Variants in ARL6IP6 observed in about 807,000 individuals in gnomAD.
ARL6IP6 encodes the protein ARF like GTPase 6 interacting protein 6, also known as ADP-ribosylation factor-like protein 6-interacting protein 6.
In ARL6IP6, 22 loss-of-function variants were observed where a neutral mutation model predicts 21.5. That is an observed-to-expected ratio of 1.02 (90% CI 0.73 to 1.46). The LOEUF (loss-of-function observed/expected upper bound fraction) is 1.46, where lower values mean the gene tolerates loss of function less well. ARL6IP6 is among the 40% of genes most tolerant of loss of function. The probability of loss-of-function intolerance (pLI) is 0.00; values close to 1 mark genes in which losing one functional copy is unlikely to be tolerated. For missense variants in ARL6IP6, 388 were observed against 299.8 expected, an observed-to-expected ratio of 1.29 and a Z score of -2.17; for synonymous variants, 164 against 125.3, an observed-to-expected ratio of 1.31 and a Z score of -2.06.
rs1200825846 is a variant in ARL6IP6 at position 152,761,045 on chromosome 2, G to C, written c.*1205G>C. The C allele has an allele frequency of 6.6e-6, 1 of 151,918 alleles. No individual in the cohort carries two copies. The highest frequency in any genetic ancestry group is 1.5e-5 in the Non-Finnish European group (1 of 68,010). The allele number at this position is 151,918 out of a possible 1,614,324, so 9.4% of individuals were successfully genotyped here. On this transcript the variant is annotated 3_prime_UTR_variant, in exon 4 of 4. Transcript: ENST00000326446. The stretch of plus-strand genomic sequence containing the variant: ...ACAAAGCTGTTTTCCCTGGCCATAG[G>C]AAAACTTACAATAAGAAACCATTAA...
chr2:152,731,956 C>T (rs1165259720), intron 2 of ARL6IP6, among the ~76,000 whole-genome samples: 5 of 151,886 alleles, frequency 3.3e-5, no homozygotes, highest in African/African-American at 2.4e-5. Context: ...CATATCAGTA[C>T]CTAAAGAGCT....
At chr2:152,742,963 T>C (rs16831730) in intron 3 of ARL6IP6, among the ~76,000 whole-genome samples, 6,335 of 152,306 alleles carry the variant, frequency 0.042, 279 homozygotes, top group African/African-American at 0.11. Context: ...CTAGCTAACT[T>C]ACCTCCTCTG....
rs1701816370 is a variant in ARL6IP6 at position 152,760,930 on chromosome 2, C to A, written c.*1090C>A. On this transcript the variant is annotated 3_prime_UTR_variant, in exon 4 of 4. Transcript: ENST00000326446. Reference sequence around the variant, plus strand: ...TCCTGTAATTGTGATATTTTGTTTTCTAAGTAATTAAGCCTTAATTTTTCC... The same window carrying A: ...TCCTGTAATTGTGATATTTTGTTTTATAAGTAATTAAGCCTTAATTTTTCC... 1 of 151,728 alleles carries A rather than the reference C, an allele frequency of 6.6e-6. No homozygotes were observed. Among genetic ancestry groups the A allele is most frequent in the Non-Finnish European group, 1.5e-5 (1 of 67,952 alleles). The allele number at this position is 151,728 out of a possible 1,614,324, so 9.4% of individuals were successfully genotyped here.
intron 3 of ARL6IP6, among the ~76,000 whole-genome samples, chr2:152,748,250 TTGTC>T (rs1701150556): frequency 6.6e-6 from 1 of 152,234 alleles, no homozygotes; most frequent in Non-Finnish European, 1.5e-5. Flanking sequence ...GAAATCAACT[TTGTC>T]TGCTCTTCAG....
intron 3 of ARL6IP6, among the ~76,000 whole-genome samples, chr2:152,756,703 A>G (rs770644696): frequency 3.3e-5 from 5 of 152,226 alleles, no homozygotes; most frequent in Non-Finnish European, 7.4e-5. Flanking sequence ...CATCAGAAAA[A>G]TAAATATTAA....
upstream of ARL6IP6, chr2:152,717,671 C>A (rs944102235): frequency 1.3e-5 from 19 of 1,415,426 alleles, no homozygotes; most frequent in South Asian, 1.4e-4. Flanking sequence ...GTTTCTGCGC[C>A]GAGTCCTCCG....
chr2:152,732,155 A>G (rs1410372206), intron 2 of ARL6IP6, among the ~76,000 whole-genome samples: 1 of 151,858 alleles, frequency 6.6e-6, no homozygotes, highest in East Asian at 1.9e-4. Context: ...GTATATATAT[A>G]TAAAATTGTA....
chr2:152,718,331 C>T (rs1467956873), upstream of ARL6IP6: 6 of 333,352 alleles, frequency 1.8e-5, no homozygotes, highest in East Asian at 5.2e-5. Flanking sequence ...GACGAAGCCC[C>T]GCAGGGAGTG....
chr2:152,737,754 C>G (rs755797053), intron 3 of ARL6IP6, among the ~76,000 whole-genome samples: 1 of 152,156 alleles, frequency 6.6e-6, no homozygotes, highest in Non-Finnish European at 1.5e-5. Context: ...ACCTCCCACA[C>G]GGTCCCTCCC....
upstream of ARL6IP6, chr2:152,717,888 G>C: frequency 9.7e-7 from 1 of 1,030,520 alleles, no homozygotes. Flanking sequence ...TAGTGTTAGC[G>C]GTGGCTGGGA....
At chr2:152,739,174 A>G (rs996226527) in intron 3 of ARL6IP6, among the ~76,000 whole-genome samples, 4 of 151,872 alleles carry the variant, frequency 2.6e-5, no homozygotes, top group African/African-American at 9.7e-5. Context: ...TTTAGTAGAG[A>G]CGGGGTTTCA....
chr2:152,732,559 C>A, intron 2 of ARL6IP6: 1 of 454,584 alleles, frequency 2.2e-6, no homozygotes. Context: ...GGAAATTTTC[C>A]CTTATGCTGT....
At chr2:152,730,127 T>C (rs1177476055) in intron 2 of ARL6IP6, among the ~76,000 whole-genome samples, 1 of 152,210 alleles carries the variant, frequency 6.6e-6, no homozygotes, top group African/African-American at 2.4e-5. Context: ...TCTGATTAGT[T>C]TAAAATGAAC....
chr2:152,754,912 G>A (rs925018540), intron 3 of ARL6IP6, among the ~76,000 whole-genome samples: 18 of 152,142 alleles, frequency 1.2e-4, no homozygotes, highest in African/African-American at 3.6e-4. Context: ...GCAAGAGACC[G>A]AGGGCATGAG....
chr2:152,749,333 A>ACACACACACG (rs1553533316), intron 3 of ARL6IP6, among the ~76,000 whole-genome samples: 4 of 151,372 alleles, frequency 2.6e-5, no homozygotes, highest in East Asian at 1.9e-4. Context: ...ACACACACAC[A>ACACACACACG]CACGCACGCA....
chr2:152,729,330 TTGTCTGTG>T (rs967882691), intron 2 of ARL6IP6, among the ~76,000 whole-genome samples: 16 of 57,522 alleles, frequency 2.8e-4, no homozygotes, highest in Admixed American at 9.6e-4. Flanking sequence ...GAGCCAGACT[TTGTCTGTG>T]TGTGTGTGTG....
chr2:152,726,968 A>G (rs1183397372), intron 2 of ARL6IP6, among the ~76,000 whole-genome samples: 1 of 152,244 alleles, frequency 6.6e-6, no homozygotes, highest in Admixed American at 6.5e-5. Flanking sequence ...ATAAACAATT[A>G]TGTTACTGGT....
At position 152,735,017 on chromosome 2, in the gene ARL6IP6, T is replaced by C. The variant is rs1700489254; in HGVS notation, c.478T>C (p.Ser160Pro). The stretch of plus-strand genomic sequence containing the variant: ...AGGATTCTGGACTCTACTTATAATA[T>C]CCCTAACTGCTGGATTCTCCTGTTG... ...LLGFWTLLII[S>P]LTAGFSCCSF... The change falls in exon 3 of 4, where the codon TCC becomes CCC. Residue 160 changes from serine (S) to proline (P), a missense_variant. Coordinates refer to ENST00000326446, the MANE Select transcript of ARL6IP6 (RefSeq NM_152522.7). 3 of 1,613,292 alleles carry C rather than the reference T, an allele frequency of 1.9e-6. No homozygotes were observed. Among genetic ancestry groups the C allele is most frequent in the South Asian group, 1.1e-5 (1 of 91,052 alleles).
chr2:152,735,083 C>G lies in ARL6IP6; in HGVS notation c.544C>G (p.Pro182Ala), dbSNP rs1216629590. ...AGTGACTTACTTTGATTCTTTTGAA[C>G]CAGGAATGTTTCCTCCTACTCCTCT... is the stretch of plus-strand genomic sequence containing the variant. ...WTVTYFDSFE[P>A]GMFPPTPLSP... Residue 182 changes from proline (P) to alanine (A), a missense_variant, in exon 3 of 4, where the codon CCA becomes GCA. By Grantham distance (27) the Pro-to-Ala change is conservative. Transcript: ENST00000326446. The G allele has an allele frequency of 1.2e-6, 2 of 1,613,490 alleles. No individual in the cohort carries two copies. Among genetic ancestry groups the G allele is most frequent in the Non-Finnish European group, 1.7e-6 (2 of 1,179,670 alleles).
Sources: allele counts gnomAD v4.1 joint callset (sites outside exome capture counted in the v4.1 genomes callset), GRCh38; gene constraint gnomAD v4.1.1; transcripts MANE v1.5; gene names NCBI Gene and HGNC (gene_info 2026-07-23, HGNC 2026-07-21).